The following SEMA3D variants were observed in gnomAD, a reference collection of about 807,000 sequenced individuals.
SEMA3D encodes the protein semaphorin 3D.
A neutral mutation model predicts 100.1 loss-of-function variants in SEMA3D; 84 were observed. That is an observed-to-expected ratio of 0.84 (90% CI 0.70 to 1.01). The LOEUF is 1.01. SEMA3D is among the 50% of genes least tolerant of loss of function. SEMA3D has a pLI of 0.00. For missense variants in SEMA3D, 875 were observed against 934.1 expected (o/e 0.94, Z 0.82); for synonymous variants, 312 against 320.7 (o/e 0.97, Z 0.29).
chr7:85,039,147 A>G (rs1469114583), intron 11 of SEMA3D, among the ~76,000 whole-genome samples: 1 of 152,190 alleles, frequency 6.6e-6, no homozygotes, highest in Non-Finnish European at 1.5e-5. Context: ...AGGCTGTAAC[A>G]GGGAACAGGA....
intron 12 of SEMA3D, chr7:85,027,902 A>G: frequency 5.2e-6 from 3 of 580,024 alleles, no homozygotes; most frequent in Non-Finnish European, 1.0e-5. Flanking sequence ...AGCAAGGAAA[A>G]GTAGAGATAA....
At chr7:85,159,702 G>A (rs972617658) in intron 1 of SEMA3D, among the ~76,000 whole-genome samples, 8 of 152,246 alleles carry the variant, frequency 5.3e-5, no homozygotes, top group African/African-American at 1.4e-4. Context: ...CTTAATCATC[G>A]TAGTGCTGAA....
chr7:85,030,052 C>T (rs1179883748), intron 12 of SEMA3D, among the ~76,000 whole-genome samples: 2 of 151,880 alleles, frequency 1.3e-5, no homozygotes, highest in African/African-American at 2.4e-5. Flanking sequence ...GTGGAAGAGG[C>T]AATGCTGGCG....
At chr7:85,239,734 A>G in the SEMA3D span, among the ~76,000 whole-genome samples, 1 of 152,202 alleles carries the variant, frequency 6.6e-6, no homozygotes, top group African/African-American at 2.4e-5. Context: ...AGCCAGTTGT[A>G]GTCGATAGCT....
At chr7:85,109,574 G>A (rs112245133) in intron 3 of SEMA3D, among the ~76,000 whole-genome samples, 44 of 151,878 alleles carry the variant, frequency 2.9e-4, no homozygotes, top group Non-Finnish European at 4.1e-4. Context: ...AAGGACTTTC[G>A]TTCTAATTTA....
At chr7:85,153,302 G>A (rs562452766) in intron 2 of SEMA3D, among the ~76,000 whole-genome samples, 13 of 152,230 alleles carry the variant, frequency 8.5e-5, no homozygotes, top group African/African-American at 2.4e-4. Context: ...ATTACTTTAC[G>A]CTATTTTTGT....
intron 17 of SEMA3D, among the ~76,000 whole-genome samples, chr7:85,010,006 CA>C (rs368556397): frequency 0.021 from 2,959 of 144,146 alleles, 97 homozygotes; most frequent in African/African-American, 0.07. Context: ...ATACCAAGGG[CA>C]AAAAAAAAAT....
At chr7:85,207,724 A>G in the SEMA3D span, among the ~76,000 whole-genome samples, 3,872 of 152,142 alleles carry the variant, frequency 0.025, 76 homozygotes, top group South Asian at 0.072. Flanking sequence ...AAACATATAA[A>G]TTAGAGCAAT....
chr7:85,080,324 G>A (rs1788016665), intron 5 of SEMA3D, among the ~76,000 whole-genome samples: 1 of 152,106 alleles, frequency 6.6e-6, no homozygotes, highest in South Asian at 2.1e-4. Context: ...AATAACAAAT[G>A]AGTGAACTAA....
intron 1 of SEMA3D, among the ~76,000 whole-genome samples, chr7:85,157,918 G>A (rs545992437): frequency 6.6e-5 from 10 of 151,998 alleles, no homozygotes; most frequent in Non-Finnish European, 1.2e-4. Flanking sequence ...AATTTCTTAC[G>A]CTTGTCTTTA....
At chr7:85,141,702 A>G (rs932163664) in intron 2 of SEMA3D, 35 of 945,436 alleles carry the variant, frequency 3.7e-5, no homozygotes, top group Non-Finnish European at 4.2e-5. Context: ...ACCTAAATTA[A>G]TGTTTATTTA....
intron 8 of SEMA3D, 126 bp from the exon 9 acceptor site, chr7:85,055,985 T>C (rs1490509611): frequency 2.0e-6 from 1 of 500,124 alleles, no homozygotes; most frequent in Non-Finnish European, 3.6e-6. Flanking sequence ...AAGCCAGATG[T>C]GGGAAATGAG....
intron 9 of SEMA3D, among the ~76,000 whole-genome samples, chr7:85,047,916 C>T (rs1791053561): frequency 6.6e-6 from 1 of 151,854 alleles, no homozygotes; most frequent in Non-Finnish European, 1.5e-5. Flanking sequence ...CACTTTGAAA[C>T]CATGATATAT....
the SEMA3D span, among the ~76,000 whole-genome samples, chr7:85,194,349 T>G: frequency 2.0e-5 from 3 of 152,208 alleles, no homozygotes; most frequent in Non-Finnish European, 4.4e-5. Context: ...TTTTTGCAGA[T>G]GTGCTCTATC....
chr7:85,003,884 C>T (rs535270958), intron 18 of SEMA3D, among the ~76,000 whole-genome samples: 1 of 152,170 alleles, frequency 6.6e-6, no homozygotes, highest in South Asian at 2.1e-4. Context: ...ATAACAGACA[C>T]TAATACAGTG....
chr7:85,101,070 C>T (rs180846241), intron 3 of SEMA3D, among the ~76,000 whole-genome samples: 1 of 151,880 alleles, frequency 6.6e-6, no homozygotes, highest in African/African-American at 2.4e-5. Context: ...CCAACAAATA[C>T]GCCATACTGA....
At chr7:85,146,985 G>T (rs1299843679) in intron 2 of SEMA3D, among the ~76,000 whole-genome samples, 1 of 151,566 alleles carries the variant, frequency 6.6e-6, no homozygotes, top group African/African-American at 2.4e-5. Context: ...TTCCTCCAGA[G>T]AATGGGCTCA....
chr7:85,088,799 C>T (rs1181174763), intron 4 of SEMA3D, among the ~76,000 whole-genome samples: 1 of 152,100 alleles, frequency 6.6e-6, no homozygotes, highest in Admixed American at 6.5e-5. Context: ...AAATGTGCTT[C>T]AATACAGAAG....
chr7:85,122,666 A>T (rs1275901722), intron 2 of SEMA3D, among the ~76,000 whole-genome samples: 1 of 152,172 alleles, frequency 6.6e-6, no homozygotes, highest in African/African-American at 2.4e-5. Flanking sequence ...CTGAGTTTAG[A>T]GACATCTAAA....
Sources: gnomAD v4.1 joint callset for allele counts (sites outside exome capture counted in the v4.1 genomes callset) on GRCh38, gnomAD v4.1.1 for gene constraint, MANE v1.5 for transcripts, NCBI Gene and HGNC (gene_info 2026-07-23, HGNC 2026-07-21) for gene names.